Variants in MPZL3 observed in about 807,000 individuals in gnomAD.
MPZL3 encodes myelin protein zero-like protein 3.
Under a neutral mutation model 24.8 loss-of-function variants are expected in MPZL3, and 23 were observed. The observed-to-expected ratio is 0.93, with a 90% CI of 0.67 to 1.31. MPZL3 has a LOEUF of 1.31. Ranked by LOEUF, MPZL3 falls within the 40% of genes most tolerant of loss-of-function variation. The probability of loss-of-function intolerance (pLI) is 0.00; values close to 1 mark genes in which losing one functional copy is unlikely to be tolerated. For missense variants in MPZL3, 277 were observed against 294.9 expected, an observed-to-expected ratio of 0.94 and a Z score of 0.44; for synonymous variants, 99 against 106.5, an observed-to-expected ratio of 0.93 and a Z score of 0.44.
At chr11:118,242,044 T>C (rs1285550485) in intron 1 of MPZL3, among the ~76,000 whole-genome samples, 1 of 152,172 alleles carries the variant, frequency 6.6e-6, no homozygotes, top group African/African-American at 2.4e-5. Flanking sequence ...GATCTAGCTC[T>C]AAAAACTGGA....
At position 118,233,471 on chromosome 11, in the gene MPZL3, C is replaced by T. The variant is rs763148674; in HGVS notation, c.670G>A (p.Ala224Thr). The change falls in exon 5 of 6, where the codon GCT becomes ACT. Residue 224 changes from alanine to threonine, a missense_variant. Physicochemically the swap from Ala to Thr is moderately conservative, Grantham distance 58 (BLOSUM62 0). Coordinates refer to ENST00000278949, the MANE Select transcript of MPZL3 (RefSeq NM_198275.3). ...TGGCATGCACTTACCAGGCACTCAG[C>T]GCAACGGACACAAAGCCTCGCCATA... The part of the protein sequence containing the change: ...ACMARLCVRC[A>T]ECLDSDYEET... 3.7e-6 allele frequency: 6 copies of T among 1,613,806 alleles called. No individual in the cohort carries two copies. Among genetic ancestry groups the T allele is most frequent in the South Asian group, 2.2e-5 (2 of 91,078 alleles).
chr11:118,235,535 G>C lies in MPZL3; in HGVS notation c.506C>G (p.Pro169Arg), dbSNP rs773896314. 1.9e-6 allele frequency: 3 copies of C among 1,613,940 alleles called. No individual in the cohort carries two copies. The Admixed American group carries it at 5.0e-5, about 27-fold the overall frequency. ...CAGCAGAGCAACCACCACGGCTGAG[G>C]GCACAAAGACAAGGATGGAAAGAAG... is the stretch of plus-strand genomic sequence containing the variant. ...VALLSILVFV[P>R]SAVVVALLLV... Residue 169 changes from proline to arginine, a missense_variant, in exon 4 of 6, where the codon CCC (proline) becomes CGC (arginine). Coordinates refer to ENST00000278949, the MANE Select transcript of MPZL3 (RefSeq NM_198275.3).
chr11:118,236,504 T>C (rs1319602833), intron 3 of MPZL3, among the ~76,000 whole-genome samples: 1 of 152,114 alleles, frequency 6.6e-6, no homozygotes, highest in Non-Finnish European at 1.5e-5. Context: ...AATTAAGGAC[T>C]AGCATGACCA....
intron 3 of MPZL3, 105 bp from the exon 4 acceptor site, chr11:118,235,694 A>G: frequency 8.8e-7 from 1 of 1,130,236 alleles, no homozygotes; most frequent in Non-Finnish European, 1.2e-6. Flanking sequence ...TTCTGATTAC[A>G]AAAGTAATAA....
rs1949304137 is a variant in MPZL3 at position 118,228,636 on chromosome 11, CA to C, written c.*1257del. The C allele has an allele frequency of 6.6e-6, 1 of 152,074 alleles. No individual in the cohort carries two copies. Among genetic ancestry groups the C allele is most frequent in the South Asian group, 2.1e-4 (1 of 4,832 alleles). 9.4% of individuals were successfully genotyped at this position (152,074 alleles called of 1,614,324 possible). On this transcript the variant is annotated 3_prime_UTR_variant, in exon 6 of 6. Coordinates refer to ENST00000278949, the MANE Select transcript of MPZL3 (RefSeq NM_198275.3). ...CTCATCTCAAATATTATGTAAAAAC[CA>C]CTTGCAAATACCATAGTTTACTCAC...
chr11:118,248,780 G>T (rs1256423236), intron 1 of MPZL3, among the ~76,000 whole-genome samples: 3 of 152,000 alleles, frequency 2.0e-5, no homozygotes, highest in Non-Finnish European at 4.4e-5. Context: ...TATTTTGGGG[G>T]AGGAAGACTT....
rs1949324545 is a variant in MPZL3 at position 118,229,737 on chromosome 11, A to G, written c.*157T>C. Reference sequence around the variant, plus strand: ...TAAATACAACAAGAACATTTATTCAATAAATAAGTGGTTCCTAAAGTCTTT... The same window carrying G: ...TAAATACAACAAGAACATTTATTCAGTAAATAAGTGGTTCCTAAAGTCTTT... On this transcript the variant is annotated 3_prime_UTR_variant, in exon 6 of 6. Transcript: ENST00000278949. 1.7e-6 allele frequency: 1 copy of G among 596,138 alleles called. No individual in the cohort carries two copies. The highest frequency in any genetic ancestry group is 2.9e-6 in the Non-Finnish European group (1 of 343,664). 36.9% of individuals were successfully genotyped at this position (596,138 alleles called of 1,614,324 possible). A position where few individuals can be genotyped will look rare whatever the true frequency, so the allele number is the denominator to read the frequency against.
chr11:118,241,049 A>G lies in MPZL3; in HGVS notation c.74-672T>C, dbSNP rs186284629. Among the ~76,000 whole-genome samples, 33 of 152,330 alleles carry G rather than the reference A, an allele frequency of 2.2e-4. 1 individual carries two copies. In the East Asian group the frequency reaches 6.4e-3, roughly 29 times the overall value. Reference sequence around the variant, plus strand: ...AATAGGTAAATGCATTCTAGCAAGTAAAAATAAGGTACCATTTTAAAACCC... The same window carrying G: ...AATAGGTAAATGCATTCTAGCAAGTGAAAATAAGGTACCATTTTAAAACCC... On this transcript the variant is annotated intron_variant, in intron 1 of 5. Coordinates refer to ENST00000278949, the MANE Select transcript of MPZL3 (RefSeq NM_198275.3).
At chr11:118,229,979 G>A (rs1408199751) in intron 5 of MPZL3, 59 bp from the exon 6 acceptor site, 1 of 1,530,432 alleles carries the variant, frequency 6.5e-7, no homozygotes, top group Non-Finnish European at 8.9e-7. Context: ...TTTAGGCAAA[G>A]ACCACATGTT....
At chr11:118,249,644 C>G (rs1949597393) in intron 1 of MPZL3, among the ~76,000 whole-genome samples, 1 of 151,930 alleles carries the variant, frequency 6.6e-6, no homozygotes, top group Non-Finnish European at 1.5e-5. Context: ...AGCCCCCAAT[C>G]TTGTATGCCC....
At chr11:118,235,691 T>C in intron 3 of MPZL3, 102 bp from the exon 4 acceptor site, 1 of 1,162,362 alleles carries the variant, frequency 8.6e-7, no homozygotes, top group Non-Finnish European at 1.2e-6. Flanking sequence ...TTCTTCTGAT[T>C]ACAAAAGTAA....
At position 118,233,521 on chromosome 11, in the gene MPZL3, G is replaced by C. The variant is rs770326054; in HGVS notation, c.620C>G (p.Thr207Ser). 5 of 1,613,804 alleles carry C rather than the reference G, an allele frequency of 3.1e-6. No homozygotes were observed. The East Asian group carries it at 6.7e-5, about 22-fold the overall frequency. ...ACACGCCTCTTCCTCCTCCTGATCA[G>C]TGCTGTAAAAAGAGGACAAACCAAA... ...KKSSIEVSDDTDQEEEEACMA... is the reference protein window; with the variant it reads ...KKSSIEVSDDSDQEEEEACMA... The change falls in exon 5 of 6, where the codon ACT becomes AGT. Residue 207 changes from threonine (T) to serine (S), a missense_variant and splice_region_variant. Coordinates refer to ENST00000278949, the MANE Select transcript of MPZL3 (RefSeq NM_198275.3).
In MPZL3 at chr11:118,231,914, G is replaced by A. The variant is rs151222587; in HGVS notation, c.681+1546C>T. Among the ~76,000 whole-genome samples, 164 of 152,146 alleles carry A rather than the reference G, an allele frequency of 1.1e-3. 2 individuals carry two copies. The highest frequency in any genetic ancestry group is 7.6e-4 in the Non-Finnish European group (52 of 68,014). On this transcript the variant is annotated intron_variant, in intron 5 of 5. Transcript: ENST00000278949. ...GGACTCTCTGATTCTGTCATTGCTC[G>A]TTACCACCCATTCTCAACACAAAAG...
Position 118,252,325 on chromosome 11 carries a change from T to A in MPZL3, c.-31A>T, listed in dbSNP as rs564571949. 6.2e-7 allele frequency: 1 copy of A among 1,606,932 alleles called. No individual in the cohort carries two copies. Among genetic ancestry groups the A allele is most frequent in the South Asian group, 1.1e-5 (1 of 90,938 alleles). On this transcript the variant is annotated 5_prime_UTR_variant, in exon 1 of 6. Coordinates refer to ENST00000278949, the MANE Select transcript of MPZL3 (RefSeq NM_198275.3). ...CAGCTCTTCAGATGCTTGCACACCT[T>A]GTTTACAGCTCCCGGTAACGACACA...
intron 2 of MPZL3, among the ~76,000 whole-genome samples, chr11:118,238,392 A>G (rs1199139273): frequency 6.6e-6 from 1 of 152,248 alleles, no homozygotes; most frequent in Non-Finnish European, 1.5e-5. Context: ...GGACTTGATC[A>G]GACACTTCAT....
At chr11:118,232,602 G>A (rs1365676076) in intron 5 of MPZL3, among the ~76,000 whole-genome samples, 1 of 151,714 alleles carries the variant, frequency 6.6e-6, no homozygotes, top group Non-Finnish European at 1.5e-5. Flanking sequence ...TCTGAAATGT[G>A]GATAATAACC....
intron 1 of MPZL3, among the ~76,000 whole-genome samples, chr11:118,246,635 A>T (rs550854438): frequency 2.1e-4 from 30 of 140,138 alleles, no homozygotes; most frequent in Middle Eastern, 4.0e-3. Context: ...CTCAGGCTAC[A>T]GTGCAGTGGC....
rs926620532 is a variant in MPZL3 at position 118,230,021 on chromosome 11, G to A, written c.682-101C>T. The A allele has an allele frequency of 1.7e-5, 18 of 1,040,578 alleles. No individual in the cohort carries two copies. In the Admixed American group the frequency reaches 3.9e-4, roughly 22 times the overall value. 64.5% of individuals were successfully genotyped at this position (1,040,578 alleles called of 1,614,324 possible). A position where few individuals can be genotyped will look rare whatever the true frequency, so the allele number is the denominator to read the frequency against. ...CTCCAAATGGAACCTGGCTTGGGGA[G>A]ACAGCCACAGTGAAATGCCACTGAC... On this transcript the variant is annotated intron_variant, in intron 5 of 5. Coordinates refer to ENST00000278949, the MANE Select transcript of MPZL3 (RefSeq NM_198275.3).
intron 4 of MPZL3, among the ~76,000 whole-genome samples, chr11:118,234,693 G>A (rs1474968995): frequency 6.6e-6 from 1 of 151,344 alleles, no homozygotes; most frequent in African/African-American, 2.4e-5. Flanking sequence ...CCTTGGAAAT[G>A]GCACAGGGTG....
Sources: gnomAD v4.1 joint callset for allele counts (sites outside exome capture counted in the v4.1 genomes callset) on GRCh38, gnomAD v4.1.1 for gene constraint, MANE v1.5 for transcripts, NCBI Gene and HGNC (gene_info 2026-07-23, HGNC 2026-07-21) for gene names.